DCPS: variants seen among roughly 807,000 people sequenced by gnomAD.
The protein encoded by DCPS is decapping enzyme, scavenger.
DCPS carries 27 observed loss-of-function variants against 34.7 expected under a neutral mutation model. The ratio of observed to expected loss-of-function variants is 0.78; its 90% CI spans 0.57 to 1.07. The LOEUF (loss-of-function observed/expected upper bound fraction) is 1.07. Ranked by LOEUF, DCPS falls within the 50% of genes least tolerant of loss-of-function variation. The pLI is 0.00. For missense variants in DCPS, 464 were observed against 436.9 expected (o/e 1.06, Z -0.55); for synonymous variants, 185 against 185.7 (o/e 1.00, Z 0.03).
Position 126,322,420 on chromosome 11 carries a change from C to T in DCPS, c.377-8985C>T, listed in dbSNP as rs1442194863. ...CTGGGATTACAGGCGCACACCACCA[C>T]GCCCGGCTCATTTTTGTATTTTTAG... On this transcript the variant is annotated intron_variant, in intron 2 of 5. Coordinates refer to ENST00000263579, the MANE Select transcript of DCPS (RefSeq NM_014026.6). The surrounding 1 kb of genome is among the most constrained non-coding windows in gnomAD (Gnocchi z 4.2). Among the ~76,000 whole-genome samples, 1 of 151,960 alleles carries T rather than the reference C, an allele frequency of 6.6e-6. No individual in the cohort carries two copies. The highest frequency in any genetic ancestry group is 1.9e-4 in the East Asian group (1 of 5,180).
chr11:126,304,682 C>T (rs1211916136), intron 1 of DCPS, among the ~76,000 whole-genome samples: 3 of 152,154 alleles, frequency 2.0e-5, no homozygotes, highest in African/African-American at 2.4e-5. Flanking sequence ...TGATCTCTGC[C>T]TTACGCGACT....
At position 126,332,018 on chromosome 11, in the gene DCPS, G is replaced by A. The variant is rs1027802543; in HGVS notation, c.522+468G>A. Among the ~76,000 whole-genome samples the A allele has an allele frequency of 1.3e-5, 2 of 152,112 alleles. No individual in the cohort carries two copies. The highest frequency in any genetic ancestry group is 4.8e-5 in the African/African-American group (2 of 41,404). On this transcript the variant is annotated intron_variant, in intron 3 of 5. Coordinates refer to ENST00000263579, the MANE Select transcript of DCPS (RefSeq NM_014026.6). The surrounding 1 kb of genome is among the most constrained non-coding windows in gnomAD (Gnocchi z 5.4). ...TCTGCAGTAGCCTTGATCCAGCCTC[G>A]GGATGACTGTGCCATTGCTTTGGGT...
chr11:126,337,951 A>C lies in DCPS; in HGVS notation c.523-335A>C. ...GTGAGCGGTGGAGGGGGTCACTGCTATAGAGGGCAGACACAGCCTGGGTTT... is the reference window on the plus strand; with the variant it reads ...GTGAGCGGTGGAGGGGGTCACTGCTCTAGAGGGCAGACACAGCCTGGGTTT... On this transcript the variant is annotated intron_variant, in intron 3 of 5. Transcript: ENST00000263579. This position sits in a 1 kb window ranked among gnomAD's most constrained non-coding sequence, Gnocchi z 5.3. 1 of 301,506 alleles carries C rather than the reference A, an allele frequency of 3.3e-6. No homozygotes were observed. The allele number at this position is 301,506 out of a possible 1,614,324, so 18.7% of individuals were successfully genotyped here.
rs750948074 is a variant in DCPS, at chr11:126,319,325, G to A, written c.377-12080G>A. Among the ~76,000 whole-genome samples the A allele has an allele frequency of 1.3e-5, 2 of 152,126 alleles. No individual in the cohort carries two copies. Among genetic ancestry groups the A allele is most frequent in the African/African-American group, 2.4e-5 (1 of 41,414 alleles). ...ATACTTGGTAGGGGAGGTGGTAGGG[G>A]ACAGGATGGTACCACAAATGTAGGC... On this transcript the variant is annotated intron_variant, in intron 2 of 5. Coordinates refer to ENST00000263579, the MANE Select transcript of DCPS (RefSeq NM_014026.6). This position sits in a 1 kb window ranked among gnomAD's most constrained non-coding sequence, Gnocchi z 4.5.
In DCPS at chr11:126,304,403, C is replaced by T. The variant is rs546682861; in HGVS notation, c.201+122C>T. ...ACCAATCATTATCACTCCGGGGAGG[C>T]GGGAGTGCGCCACTAGAATGCATAG... On this transcript the variant is annotated intron_variant, in intron 1 of 5. Coordinates refer to ENST00000263579, the MANE Select transcript of DCPS (RefSeq NM_014026.6). The T allele has an allele frequency of 1.9e-4, 217 of 1,142,490 alleles. No homozygotes were observed. In the African/African-American group the frequency reaches 2.1e-3, roughly 11 times the overall value. 70.8% of individuals were successfully genotyped at this position (1,142,490 alleles called of 1,614,324 possible). A position where few individuals can be genotyped will look rare whatever the true frequency, so the allele number is the denominator to read the frequency against.
rs1565381850 is a variant in DCPS, at chr11:126,345,722, C to T, written c.*109C>T. 4 of 1,492,144 alleles carry T rather than the reference C, an allele frequency of 2.7e-6. No individual in the cohort carries two copies. The highest frequency in any genetic ancestry group is 1.3e-5 in the South Asian group (1 of 77,742). The allele number at this position is 1,492,144 out of a possible 1,614,324, so 92.4% of individuals were successfully genotyped here. A position where few individuals can be genotyped will look rare whatever the true frequency, so the allele number is the denominator to read the frequency against. On this transcript the variant is annotated 3_prime_UTR_variant, in exon 6 of 6. Transcript: ENST00000263579. This position sits in a 1 kb window ranked among gnomAD's most constrained non-coding sequence, Gnocchi z 7.4. Reference sequence around the variant, plus strand: ...AAAATGTATTTTATACCGGCTTATTCCTAGTATTGAATAAACTAGCGGGCT... The same window carrying T: ...AAAATGTATTTTATACCGGCTTATTTCTAGTATTGAATAAACTAGCGGGCT...
chr11:126,335,269 G>T lies in DCPS; in HGVS notation c.523-3017G>T, dbSNP rs1215653358. On this transcript the variant is annotated intron_variant, in intron 3 of 5. Coordinates refer to ENST00000263579, the MANE Select transcript of DCPS (RefSeq NM_014026.6). This position sits in a 1 kb window ranked among gnomAD's most constrained non-coding sequence, Gnocchi z 4.8. ...CGGGAGAGAGGGTACCGAGGGAGCT[G>T]CCAATGTCACCTACTGCAAAGAAGT... 2.0e-5 allele frequency among the ~76,000 whole-genome samples: 3 copies of T among 152,222 alleles called. No individual in the cohort carries two copies. Among genetic ancestry groups the T allele is most frequent in the African/African-American group, 4.8e-5 (2 of 41,462 alleles).
At position 126,306,583 on chromosome 11, in the gene DCPS, C is replaced by CTGGGGA. The variant is rs201095573; in HGVS notation, c.225_230dup (p.Asp76_Gly77dup). 0.018 allele frequency: 28,551 copies of CTGGGGA among 1,608,582 alleles called. 384 individuals are homozygous for CTGGGGA. The highest frequency in any genetic ancestry group is 0.041 in the South Asian group (3,699 of 90,696). Reference sequence around the variant, plus strand: ...CTCTGCCCACAGGTGAATGAGGCCTCTGGGGATGGGGATGGAGAGGATGCC... The same window carrying CTGGGGA: ...CTCTGCCCACAGGTGAATGAGGCCTCTGGGGATGGGGATGGGGATGGAGAGGATGCC... On this transcript the variant is annotated inframe_insertion, in exon 2 of 6. Coordinates refer to ENST00000263579, the MANE Select transcript of DCPS (RefSeq NM_014026.6).
Position 126,344,240 on chromosome 11 carries a change from C to T in DCPS, c.747+823C>T, listed in dbSNP as rs145874786. On this transcript the variant is annotated intron_variant, in intron 5 of 5. Transcript: ENST00000263579. This position sits in a 1 kb window ranked among gnomAD's most constrained non-coding sequence, Gnocchi z 8.1. ...ATGCAGACCTGGAGGCAAGGCTCTG[C>T]CCATACCCAGCTTCCCCTGCTGCTG... Among the ~76,000 whole-genome samples the T allele has an allele frequency of 3.0e-3, 462 of 152,272 alleles. 2 individuals carry two copies. The highest frequency in any genetic ancestry group is 3.9e-3 in the Non-Finnish European group (262 of 68,030).
At chr11:126,309,012 C>G (rs930857608) in intron 2 of DCPS, among the ~76,000 whole-genome samples, 30 of 147,092 alleles carry the variant, frequency 2.0e-4, no homozygotes, top group Admixed American at 7.6e-4. Context: ...TTCATCTTTT[C>G]TTTTCCTGCC....
At position 126,336,193 on chromosome 11, in the gene DCPS, G is replaced by A. The variant is rs1284938231; in HGVS notation, c.523-2093G>A. On this transcript the variant is annotated intron_variant, in intron 3 of 5. Coordinates refer to ENST00000263579, the MANE Select transcript of DCPS (RefSeq NM_014026.6). The surrounding 1 kb of genome is among the most constrained non-coding windows in gnomAD (Gnocchi z 6.3). ...GCTGTGACGCTGAGAGCAGTGCCAG[G>A]CAGAGTGCAGCTGCTCTCACAGTCA... is the stretch of plus-strand genomic sequence containing the variant. 2.0e-5 allele frequency among the ~76,000 whole-genome samples: 3 copies of A among 151,264 alleles called. No homozygotes were observed. The highest frequency in any genetic ancestry group is 4.4e-5 in the Non-Finnish European group (3 of 67,970).
intron 2 of DCPS, among the ~76,000 whole-genome samples, chr11:126,307,643 G>A (rs1951583152): frequency 6.6e-6 from 1 of 151,968 alleles, no homozygotes; most frequent in Non-Finnish European, 1.5e-5. Context: ...TCCTGACCTC[G>A]TGATCCACCC....
At chr11:126,308,254 A>G (rs1387348783) in intron 2 of DCPS, among the ~76,000 whole-genome samples, 1 of 152,246 alleles carries the variant, frequency 6.6e-6, no homozygotes, top group East Asian at 1.9e-4. Flanking sequence ...CCTTCCAACC[A>G]GCAAATTCTG....
In DCPS at chr11:126,319,263, C is replaced by T. The variant is rs1476664452; in HGVS notation, c.377-12142C>T. Among the ~76,000 whole-genome samples the T allele has an allele frequency of 2.0e-5, 3 of 152,000 alleles. No homozygotes were observed. The highest frequency in any genetic ancestry group is 4.4e-5 in the Non-Finnish European group (3 of 67,988). ...CACCAGGCCCCTCTTCTGGGACTTCCCCCTTCATGCCTCCCACCCCATAAT... is the reference window on the plus strand; with the variant it reads ...CACCAGGCCCCTCTTCTGGGACTTCTCCCTTCATGCCTCCCACCCCATAAT... On this transcript the variant is annotated intron_variant, in intron 2 of 5. Transcript: ENST00000263579. The surrounding 1 kb of genome is among the most constrained non-coding windows in gnomAD (Gnocchi z 4.5).
Position 126,331,026 on chromosome 11 carries a change from G to A in DCPS, c.377-379G>A, listed in dbSNP as rs1184770217. ...GCTGGGATTACAGGCGTCAGCCACT[G>A]CGCCCGGCCTTTAAGCCATATTTTC... On this transcript the variant is annotated intron_variant, in intron 2 of 5. Coordinates refer to ENST00000263579, the MANE Select transcript of DCPS (RefSeq NM_014026.6). The surrounding 1 kb of genome is among the most constrained non-coding windows in gnomAD (Gnocchi z 7.2). 1.3e-4 allele frequency among the ~76,000 whole-genome samples: 20 copies of A among 152,168 alleles called. No homozygotes were observed. Among genetic ancestry groups the A allele is most frequent in the Non-Finnish European group, 8.8e-5 (6 of 68,006 alleles).
intron 2 of DCPS, among the ~76,000 whole-genome samples, chr11:126,314,222 T>C (rs1259967906): frequency 6.6e-6 from 1 of 152,218 alleles, no homozygotes; most frequent in Non-Finnish European, 1.5e-5. Flanking sequence ...CTGCCTTAGT[T>C]GGCTTAGGAT....
At position 126,347,223 on chromosome 11, in the gene DCPS, CTTT is replaced by C. The variant is rs1229980101; in HGVS notation, c.*1628_*1630del. On this transcript the variant is annotated 3_prime_UTR_variant, in exon 6 of 6. Transcript: ENST00000263579. This position sits in a 1 kb window ranked among gnomAD's most constrained non-coding sequence, Gnocchi z 4.2. Reference sequence around the variant, plus strand: ...CACTCAGCCATTCTTCCCTGCAGCTCTTTTTTTTTTTTTTTTTTTTGAGACAAT... The same window carrying C: ...CACTCAGCCATTCTTCCCTGCAGCTCTTTTTTTTTTTTTTTTTGAGACAAT... Among the ~76,000 whole-genome samples the C allele has an allele frequency of 6.7e-3, 826 of 122,718 alleles. 8 individuals carry two copies. The highest frequency in any genetic ancestry group is 0.02 in the African/African-American group (655 of 32,650). The allele number at this position is 122,718 out of a possible 152,430, so 80.5% of individuals were successfully genotyped here. A position where few individuals can be genotyped will look rare whatever the true frequency, so the allele number is the denominator to read the frequency against.
At chr11:126,311,133 T>C (rs577488769) in intron 2 of DCPS, among the ~76,000 whole-genome samples, 5 of 152,344 alleles carry the variant, frequency 3.3e-5, no homozygotes, top group East Asian at 1.9e-4. Context: ...CCAGCTGCAA[T>C]GTCCATCCCA....
chr11:126,314,162 C>T (rs748727462), intron 2 of DCPS, among the ~76,000 whole-genome samples: 1 of 152,228 alleles, frequency 6.6e-6, no homozygotes, highest in Non-Finnish European at 1.5e-5. Context: ...ATGTCCTCAA[C>T]GTTTAGCTCC....
Sources: gnomAD v4.1 joint callset for allele counts (sites outside exome capture counted in the v4.1 genomes callset) on GRCh38, gnomAD v4.1.1 for gene constraint, Gnocchi (gnomAD v3.1) non-coding constraint, MANE v1.5 for transcripts, NCBI Gene and HGNC (gene_info 2026-07-23, HGNC 2026-07-21) for gene names.